CACNA2D3: variants seen among roughly 807,000 people sequenced by gnomAD.
The protein encoded by CACNA2D3 is calcium voltage-gated channel auxiliary subunit alpha2delta 3.
CACNA2D3 carries 60 observed loss-of-function variants against 160.6 expected under a neutral mutation model. The observed-to-expected ratio is 0.37, with a 90% CI of 0.30 to 0.46. The LOEUF is 0.46. CACNA2D3 is among the 20% of genes least tolerant of loss of function. CACNA2D3 has a pLI of 1.00. For synonymous variants in CACNA2D3, 558 were observed against 492.9 expected (o/e 1.13, Z -1.75); for missense variants, 1,205 against 1,365.0 (o/e 0.88, Z 1.85).
intron 35 of CACNA2D3, among the ~76,000 whole-genome samples, chr3:55,032,228 A>C (rs1246527752): frequency 6.6e-6 from 1 of 152,206 alleles, no homozygotes; most frequent in Non-Finnish European, 1.5e-5. Context: ...CGACTCTGAA[A>C]GCTGACAGAG....
At chr3:54,280,645 G>A (rs76647906) in intron 2 of CACNA2D3, among the ~76,000 whole-genome samples, 1,522 of 152,194 alleles carry the variant, frequency 0.01, 31 homozygotes, top group African/African-American at 0.035. Flanking sequence ...TGCCTGCCAC[G>A]CAGCCTCATA....
intron 14 of CACNA2D3, among the ~76,000 whole-genome samples, chr3:54,836,376 A>G (rs1034223162): frequency 9.2e-5 from 14 of 151,940 alleles, no homozygotes; most frequent in Non-Finnish European, 1.6e-4. Flanking sequence ...CTGGGACTAC[A>G]GGCACCTGCC....
At chr3:54,935,281 A>G (rs1183501517) in intron 27 of CACNA2D3, among the ~76,000 whole-genome samples, 3 of 152,140 alleles carry the variant, frequency 2.0e-5, no homozygotes, top group African/African-American at 7.2e-5. Context: ...GGTTAGAGGA[A>G]ATACAGACTT....
At chr3:54,580,107 G>A (rs1702649725) in intron 8 of CACNA2D3, among the ~76,000 whole-genome samples, 1 of 151,960 alleles carries the variant, frequency 6.6e-6, no homozygotes, top group Non-Finnish European at 1.5e-5. Flanking sequence ...CTTACTCTCT[G>A]GTGTCTTTGG....
intron 31 of CACNA2D3, among the ~76,000 whole-genome samples, chr3:54,998,450 T>A (rs1018337455): frequency 2.0e-5 from 3 of 152,142 alleles, no homozygotes; most frequent in African/African-American, 7.2e-5. Context: ...CAATTAATTC[T>A]TATGGTTACT....
At chr3:54,904,296 G>A (rs75934253) in intron 27 of CACNA2D3, among the ~76,000 whole-genome samples, 34 of 152,284 alleles carry the variant, frequency 2.2e-4, no homozygotes, top group East Asian at 7.7e-4. Flanking sequence ...CATAGGCACC[G>A]CATCTACCAT....
chr3:54,630,008 T>C (rs1000502137), intron 10 of CACNA2D3, among the ~76,000 whole-genome samples: 2 of 151,998 alleles, frequency 1.3e-5, no homozygotes, highest in African/African-American at 4.8e-5. Context: ...GTTTACAGGG[T>C]TTCTTGTTCA....
intron 11 of CACNA2D3, among the ~76,000 whole-genome samples, chr3:54,642,652 C>T (rs1699548579): frequency 6.6e-6 from 1 of 152,138 alleles, no homozygotes. Flanking sequence ...CCTCCCACGG[C>T]CCCCATTACC....
At chr3:54,939,070 G>A (rs1261639240) in intron 27 of CACNA2D3, among the ~76,000 whole-genome samples, 1 of 152,184 alleles carries the variant, frequency 6.6e-6, no homozygotes, top group Non-Finnish European at 1.5e-5. Context: ...CTGTTATTTA[G>A]CAGTTTATTA....
intron 11 of CACNA2D3, among the ~76,000 whole-genome samples, chr3:54,704,761 T>C (rs935888755): frequency 2.0e-5 from 3 of 152,158 alleles, no homozygotes; most frequent in Admixed American, 2.0e-4. Flanking sequence ...AAATCTGTTA[T>C]TTCATGATCT....
At chr3:54,622,927 G>A (rs1699020725) in intron 9 of CACNA2D3, among the ~76,000 whole-genome samples, 1 of 152,196 alleles carries the variant, frequency 6.6e-6, no homozygotes, top group African/African-American at 2.4e-5. Flanking sequence ...GCACAGGCGC[G>A]GTAAACCGAT....
In CACNA2D3 at chr3:54,927,976, C is replaced by G. The variant is rs563941454; in HGVS notation, c.2449+28108C>G. ...CCTTTAATTAATGTGCAGAGCAACA[C>G]ACGAAGGGCATGGCAGACTCAGAGC... On this transcript the variant is annotated intron_variant, in intron 27 of 37. Coordinates refer to ENST00000474759, the MANE Select transcript of CACNA2D3 (RefSeq NM_018398.3). 3.3e-6 allele frequency: 5 copies of G among 1,516,288 alleles called. No homozygotes were observed. In the South Asian group the frequency reaches 5.6e-5, roughly 17 times the overall value. 93.9% of individuals were successfully genotyped at this position (1,516,288 alleles called of 1,614,324 possible).
Position 54,760,211 on chromosome 3 carries a change from T to C in CACNA2D3, c.1247-4007T>C, listed in dbSNP as rs540950132. The stretch of plus-strand genomic sequence containing the variant: ...GCAGGGTGAAGGGAGAGGAAGTGAC[T>C]TCAGACAGGAATGTCAGGGAGGGCC... On this transcript the variant is annotated intron_variant, in intron 12 of 37. Transcript: ENST00000474759. 3.4e-5 allele frequency among the ~76,000 whole-genome samples: 5 copies of C among 145,460 alleles called. No individual in the cohort carries two copies. The East Asian group carries it at 1.0e-3, about 31-fold the overall frequency.
chr3:54,970,800 G>A (rs1216164380), intron 29 of CACNA2D3, among the ~76,000 whole-genome samples: 1 of 151,480 alleles, frequency 6.6e-6, no homozygotes, highest in Non-Finnish European at 1.5e-5. Context: ...AAGCATGGTG[G>A]CCTTTTCACT....
intron 3 of CACNA2D3, among the ~76,000 whole-genome samples, chr3:54,384,788 C>T (rs1032882549): frequency 1.3e-5 from 2 of 151,542 alleles, no homozygotes; most frequent in African/African-American, 2.4e-5. Flanking sequence ...GGTGTGATCT[C>T]GGCTCACTGC....
chr3:54,719,329 A>G (rs918948145), intron 11 of CACNA2D3, among the ~76,000 whole-genome samples: 3 of 151,954 alleles, frequency 2.0e-5, no homozygotes, highest in Non-Finnish European at 4.4e-5. Flanking sequence ...TTTTAAGGTT[A>G]AAGAAGTGCT....
rs761475462 is a variant in CACNA2D3, at chr3:54,484,296, C to T, written c.382-19196C>T. 3.4e-4 allele frequency among the ~76,000 whole-genome samples: 51 copies of T among 152,148 alleles called. No homozygotes were observed. In the Middle Eastern group the frequency reaches 0.01, roughly 30 times the overall value. On this transcript the variant is annotated intron_variant, in intron 4 of 37. Transcript: ENST00000474759. ...CATTCTCCTTCCTATTCTCCATGAC[C>T]CCCTCCCCGCGGACTGTATCAGGTA...
intron 6 of CACNA2D3, among the ~76,000 whole-genome samples, chr3:54,563,291 T>C (rs1197455158): frequency 4.6e-5 from 7 of 152,194 alleles, no homozygotes; most frequent in Non-Finnish European, 7.3e-5. Context: ...ATAATTATTA[T>C]TATTGGGGAA....
At chr3:54,902,457 GC>G (rs2106894088) in intron 27 of CACNA2D3, among the ~76,000 whole-genome samples, 1 of 152,226 alleles carries the variant, frequency 6.6e-6, no homozygotes, top group South Asian at 2.1e-4. Flanking sequence ...GCATAAATGG[GC>G]CCCATCCATC....
Sources: allele counts gnomAD v4.1 joint callset (sites outside exome capture counted in the v4.1 genomes callset), GRCh38; gene constraint gnomAD v4.1.1; transcripts MANE v1.5; gene names NCBI Gene and HGNC (gene_info 2026-07-23, HGNC 2026-07-21).